NOTCH2NLC: variants seen among roughly 807,000 people sequenced by gnomAD.
NOTCH2NLC encodes notch homolog 2 N-terminal-like protein C.
Under a neutral mutation model 17.7 loss-of-function variants are expected in NOTCH2NLC, and 4 were observed. The ratio of observed to expected loss-of-function variants is 0.23; its 90% confidence interval spans 0.11 to 0.52. The LOEUF is 0.52. Ranked by LOEUF, NOTCH2NLC falls within the 20% of genes least tolerant of loss-of-function variation. The probability of loss-of-function intolerance (pLI) is 0.96; values close to 1 mark genes in which losing one functional copy is unlikely to be tolerated. For missense variants in NOTCH2NLC, 57 were observed against 207.2 expected (o/e 0.28, Z 4.45); for synonymous variants, 18 against 86.0 (o/e 0.21, Z 4.38).
chr1:149,415,089 C>G (rs1250172909), intron 1 of NOTCH2NLC, among the ~76,000 whole-genome samples: 1 of 101,348 alleles, frequency 9.9e-6, no homozygotes, highest in Admixed American at 1.1e-4. Flanking sequence ...TAGTTTGGTT[C>G]ATAAGCTAGA....
At chr1:149,455,937 C>CA (rs1304235187) in intron 3 of NOTCH2NLC, among the ~76,000 whole-genome samples, 4 of 141,234 alleles carry the variant, frequency 2.8e-5, no homozygotes, top group African/African-American at 5.2e-5. Flanking sequence ...CCCATCTCTA[C>CA]AAAAAAACAA....
At chr1:149,454,367 A>G (rs2084604226) in intron 2 of NOTCH2NLC, among the ~76,000 whole-genome samples, 1 of 94,468 alleles carries the variant, frequency 1.1e-5, no homozygotes, top group South Asian at 4.2e-4. Flanking sequence ...GATTCCATTT[A>G]AACAACTTCA....
intron 2 of NOTCH2NLC, among the ~76,000 whole-genome samples, chr1:149,437,224 CTT>C (rs1425259852): frequency 3.5e-5 from 5 of 140,882 alleles, no homozygotes; most frequent in African/African-American, 1.1e-4. Flanking sequence ...ACAGGCCTCT[CTT>C]GTGAAATTTA....
chr1:149,398,425 G>A (rs2084221316), intron 1 of NOTCH2NLC, among the ~76,000 whole-genome samples: 1 of 150,362 alleles, frequency 6.7e-6, no homozygotes, highest in African/African-American at 2.4e-5. Flanking sequence ...GGAAGATGCA[G>A]TTCTCAGTGG....
chr1:149,395,962 C>CTACA (rs1303995412), intron 1 of NOTCH2NLC, among the ~76,000 whole-genome samples: 3 of 150,672 alleles, frequency 2.0e-5, no homozygotes, highest in Non-Finnish European at 3.0e-5. Context: ...CAGGTCTGTG[C>CTACA]TACACACATT....
At chr1:149,428,685 C>T (rs1245513388) in intron 1 of NOTCH2NLC, among the ~76,000 whole-genome samples, 3 of 148,052 alleles carry the variant, frequency 2.0e-5, no homozygotes, top group Admixed American at 6.7e-5. Context: ...CCTTTAGGGA[C>T]ATTTAGTTCG....
intron 3 of NOTCH2NLC, among the ~76,000 whole-genome samples, chr1:149,460,859 CTTTCTTTCTTTCTT>C (rs2084641850): frequency 5.6e-4 from 1 of 1,798 alleles, no homozygotes; most frequent in African/African-American, 5.7e-3. Flanking sequence ...TTCTCCCTTT[CTTTCTTTCTTTCTT>C]TCTTTCTTTC....
At chr1:149,421,341 C>CA (rs1428389697) in intron 1 of NOTCH2NLC, among the ~76,000 whole-genome samples, 2 of 147,848 alleles carry the variant, frequency 1.4e-5, no homozygotes, top group South Asian at 2.1e-4. Flanking sequence ...ACTAAAAATA[C>CA]AAAAAAAATT....
rs1325076205 is a variant in NOTCH2NLC at position 149,448,943 on chromosome 1, G to A, written c.210-6375G>A. Among the ~76,000 whole-genome samples, 142 of 144,516 alleles carry A rather than the reference G, an allele frequency of 9.8e-4. 1 individual carries two copies. In the South Asian group the frequency reaches 0.03, roughly 31 times the overall value. 94.8% of individuals were successfully genotyped at this position (144,516 alleles called of 152,430 possible). A position where few individuals can be genotyped will look rare whatever the true frequency, so the allele number is the denominator to read the frequency against. ...GTCGCCCAGGCTGGAGTGCAGTGGC[G>A]CGATCTTGGCTCACTGCAACCTCCA... On this transcript the variant is annotated intron_variant, in intron 2 of 4. Transcript: ENST00000650865.
At chr1:149,412,898 CTTTTT>C (rs1228082474) in intron 1 of NOTCH2NLC, among the ~76,000 whole-genome samples, 1 of 95,608 alleles carries the variant, frequency 1.0e-5, no homozygotes, top group Non-Finnish European at 2.0e-5. Flanking sequence ...AGATGACTGA[CTTTTT>C]TTTTTTTTTT....
intron 2 of NOTCH2NLC, among the ~76,000 whole-genome samples, chr1:149,435,465 T>C (rs1251136114): frequency 1.3e-5 from 2 of 149,152 alleles, no homozygotes; most frequent in African/African-American, 4.9e-5. Context: ...CTTAGTCCGA[T>C]GACACAAATC....
At chr1:149,448,842 C>T (rs2084571345) in intron 2 of NOTCH2NLC, among the ~76,000 whole-genome samples, 2 of 141,234 alleles carry the variant, frequency 1.4e-5, no homozygotes, top group African/African-American at 5.2e-5. Flanking sequence ...CTAGAGTCTA[C>T]TTGGGTTTGA....
At chr1:149,443,335 TG>T (rs2084531749) in intron 2 of NOTCH2NLC, among the ~76,000 whole-genome samples, 1 of 144,520 alleles carries the variant, frequency 6.9e-6, no homozygotes, top group African/African-American at 2.6e-5. Context: ...AAACTTCAAG[TG>T]TATTTATAGG....
At chr1:149,462,124 AG>A (rs2084653968) in intron 3 of NOTCH2NLC, among the ~76,000 whole-genome samples, 2 of 147,578 alleles carry the variant, frequency 1.4e-5, no homozygotes, top group Non-Finnish European at 3.0e-5. Context: ...TAGAACTTAA[AG>A]TATAATAATA....
At chr1:149,448,882 A>ATT (rs1292799939) in intron 2 of NOTCH2NLC, among the ~76,000 whole-genome samples, 34 of 129,292 alleles carry the variant, frequency 2.6e-4, no homozygotes, top group East Asian at 2.4e-3. Flanking sequence ...CTAGCTGTGA[A>ATT]TTTTTTTTTT....
At chr1:149,424,529 T>C (rs1208108087) in intron 1 of NOTCH2NLC, among the ~76,000 whole-genome samples, 1 of 150,970 alleles carries the variant, frequency 6.6e-6, no homozygotes, top group Non-Finnish European at 1.5e-5. Context: ...AGTAGTTTCT[T>C]GACAAATATT....
Position 149,466,277 on chromosome 1 carries a change from G to GTATATATATATATATATATA in NOTCH2NLC, c.*2139_*2140insATATATATATATATATATAT, listed in dbSNP as rs1184842539. 3 of 142,462 alleles carry GTATATATATATATATATATA rather than the reference G, an allele frequency of 2.1e-5. No individual in the cohort carries two copies. The highest frequency in any genetic ancestry group is 3.1e-5 in the Non-Finnish European group (2 of 64,852). The allele number at this position is 142,462 out of a possible 1,614,324, so 8.8% of individuals were successfully genotyped here. A position where few individuals can be genotyped will look rare whatever the true frequency, so the allele number is the denominator to read the frequency against. ...GTGTGTGTGTGTGTGTGTGTGTGTG[G>GTATATATATATATATATATA]TATATATATATATATCGCATTGTGC... On this transcript the variant is annotated 3_prime_UTR_variant, in exon 5 of 5. Coordinates refer to ENST00000650865, the MANE Select transcript of NOTCH2NLC (RefSeq NM_001364013.2).
intron 2 of NOTCH2NLC, among the ~76,000 whole-genome samples, chr1:149,449,291 A>G (rs1415715173): frequency 6.6e-6 from 1 of 150,604 alleles, no homozygotes; most frequent in Non-Finnish European, 1.5e-5. Flanking sequence ...TCAAATGCTT[A>G]GCAAATATAC....
chr1:149,419,855 A>ATT lies in NOTCH2NLC; in HGVS notation c.136-11062_136-11061dup, dbSNP rs1166865199. On this transcript the variant is annotated intron_variant, in intron 1 of 4. Transcript: ENST00000650865. ...GAAGTTCAGGAATATATATATATAT[A>ATT]TTTTTTTTTTTTTTTTTTTTTTTTT... 3.7e-3 allele frequency among the ~76,000 whole-genome samples: 289 copies of ATT among 78,144 alleles called. 2 individuals carry two copies. The highest frequency in any genetic ancestry group is 7.7e-3 in the Middle Eastern group (1 of 130). The allele number at this position is 78,144 out of a possible 152,430, so 51.3% of individuals were successfully genotyped here. A position where few individuals can be genotyped will look rare whatever the true frequency, so the allele number is the denominator to read the frequency against.
Sources: allele counts gnomAD v4.1 joint callset (sites outside exome capture counted in the v4.1 genomes callset), GRCh38; gene constraint gnomAD v4.1.1; transcripts MANE v1.5; gene names NCBI Gene and HGNC (gene_info 2026-07-23, HGNC 2026-07-21).